The following ITGAE variants were observed in gnomAD, a reference collection of about 807,000 sequenced individuals.
ITGAE encodes integrin subunit alpha E, also known as integrin alpha-E.
A neutral mutation model predicts 136.5 loss-of-function variants in ITGAE; 99 were observed. That is an observed-to-expected ratio of 0.73 (90% CI 0.62 to 0.86). The LOEUF is 0.86. Ranked by LOEUF, ITGAE falls within the 40% of genes least tolerant of loss-of-function variation. The pLI is 0.00. For missense variants in ITGAE, 1,447 were observed against 1,515.3 expected, an observed-to-expected ratio of 0.95 and a Z score of 0.75; for synonymous variants, 613 against 591.8, an observed-to-expected ratio of 1.04 and a Z score of -0.52.
chr17:3,746,886 C>T (rs1030374541), intron 17 of ITGAE, among the ~76,000 whole-genome samples: 1 of 152,208 alleles, frequency 6.6e-6, no homozygotes, highest in South Asian at 2.1e-4. Context: ...CTACCACACC[C>T]GGCCAGGTCT....
intron 26 of ITGAE, chr17:3,726,767 C>G (rs2051223997): frequency 6.5e-6 from 1 of 153,734 alleles, no homozygotes; most frequent in Non-Finnish European, 1.4e-5. Context: ...GCTCTGTCAC[C>G]CAGGCTAGAG....
chr17:3,777,183 A>G (rs375957376), intron 2 of ITGAE, among the ~76,000 whole-genome samples: 32 of 151,678 alleles, frequency 2.1e-4, no homozygotes, highest in Admixed American at 7.9e-4. Context: ...GGATGGTCTC[A>G]ATCTCCTGAC....
At chr17:3,762,802 G>A (rs540649587) in intron 3 of ITGAE, among the ~76,000 whole-genome samples, 38 of 151,760 alleles carry the variant, frequency 2.5e-4, no homozygotes, top group African/African-American at 8.5e-4. Flanking sequence ...GGATTTCACC[G>A]TGTTAGCTAG....
At chr17:3,785,220 G>A (rs1179710064) in intron 1 of ITGAE, among the ~76,000 whole-genome samples, 2 of 152,108 alleles carry the variant, frequency 1.3e-5, no homozygotes, top group African/African-American at 4.8e-5. Flanking sequence ...TGCAACCCCA[G>A]CACTTTGGGA....
rs189455313 is a variant in ITGAE at position 3,777,463 on chromosome 17, G to T, written c.155+77C>A. ...ACGGTGGGGTGGGGTGGGCTGCCAT[G>T]GCCGTCTCTGGGGCCCATCTCAGAT... On this transcript the variant is annotated intron_variant, in intron 2 of 30. Transcript: ENST00000263087. 1,050 of 1,516,902 alleles carry T rather than the reference G, an allele frequency of 6.9e-4. 16 individuals carry two copies. The South Asian group carries it at 0.012, about 17-fold the overall frequency. The allele number at this position is 1,516,902 out of a possible 1,614,324, so 94.0% of individuals were successfully genotyped here.
At chr17:3,797,524 G>C (rs1210754092) in intron 1 of ITGAE, among the ~76,000 whole-genome samples, 5 of 138,136 alleles carry the variant, frequency 3.6e-5, no homozygotes, top group African/African-American at 1.4e-4. Flanking sequence ...GCAGTGGTGT[G>C]ATCTCAGCTC....
chr17:3,723,599 G>A (rs962756015), intron 27 of ITGAE, 89 bp downstream of exon 27: 2 of 1,362,064 alleles, frequency 1.5e-6, no homozygotes, highest in Non-Finnish European at 2.0e-6. Flanking sequence ...GGCCGGCAGG[G>A]GTAACCCAGG....
intron 1 of ITGAE, among the ~76,000 whole-genome samples, chr17:3,789,157 G>C (rs1262821035): frequency 1.3e-5 from 2 of 152,014 alleles, no homozygotes; most frequent in African/African-American, 4.8e-5. Context: ...TGAGGTGGGA[G>C]AATCACTTGA....
intron 1 of ITGAE, among the ~76,000 whole-genome samples, chr17:3,794,663 T>C (rs113789498): frequency 0.065 from 9,951 of 152,158 alleles, 525 homozygotes; most frequent in African/African-American, 0.13. Context: ...AGAACTGAGA[T>C]AAAGGACGCC....
At chr17:3,788,049 T>C (rs1009177322) in intron 1 of ITGAE, among the ~76,000 whole-genome samples, 8 of 152,154 alleles carry the variant, frequency 5.3e-5, no homozygotes, top group African/African-American at 9.7e-5. Flanking sequence ...ATTTTGATAA[T>C]CTCTTTTGTG....
intron 23 of ITGAE, 68 bp downstream of exon 23, chr17:3,731,036 G>A (rs1445139022): frequency 2.3e-5 from 30 of 1,288,384 alleles, no homozygotes; most frequent in South Asian, 3.6e-5. Flanking sequence ...CTCTCACAGC[G>A]TGCATGTGGC....
intron 2 of ITGAE, among the ~76,000 whole-genome samples, chr17:3,768,258 G>T (rs1280597649): frequency 6.6e-6 from 1 of 152,022 alleles, no homozygotes; most frequent in Non-Finnish European, 1.5e-5. Flanking sequence ...CCAAGTAACT[G>T]GGACCACAGA....
At chr17:3,748,322 C>T (rs1206917334) in intron 16 of ITGAE, among the ~76,000 whole-genome samples, 1 of 152,226 alleles carries the variant, frequency 6.6e-6, no homozygotes, top group Non-Finnish European at 1.5e-5. Context: ...TGCGGTGGCT[C>T]ACGCCTGTAA....
rs762502052 is a variant in ITGAE at position 3,751,785 on chromosome 17, A to AT, written c.1757dup (p.Asp586GlufsTer6). ...CATCTGTGAGCTTATCCTGACTGAG[A>AT]TCCCCCATAGCCGCCATGGCAAAGC... On this transcript the variant is annotated frameshift_variant, in exon 15 of 31. Coordinates refer to ENST00000263087, the MANE Select transcript of ITGAE (RefSeq NM_002208.5). LOFTEE classifies it high-confidence loss of function. The AT allele has an allele frequency of 6.2e-7, 1 of 1,614,074 alleles. No homozygotes were observed. Among genetic ancestry groups the AT allele is most frequent in the Non-Finnish European group, 8.5e-7 (1 of 1,179,986 alleles).
chr17:3,751,721 C>G lies in ITGAE; in HGVS notation c.1822G>C (p.Asp608His), dbSNP rs185326377. 2 of 1,614,070 alleles carry G rather than the reference C, an allele frequency of 1.2e-6. No individual in the cohort carries two copies. Among genetic ancestry groups the G allele is most frequent in the East Asian group, 2.2e-5 (1 of 44,876 alleles). Reference protein sequence around the residue: ...GAPLEGFGADDGASFGSVYIY... With the variant: ...GAPLEGFGADHGASFGSVYIY... ...TACACACTGCCGAAGCTGGCACCATCATCTGCCCCAAAACCTTCCAGGGGG... is the reference window on the plus strand; with the variant it reads ...TACACACTGCCGAAGCTGGCACCATGATCTGCCCCAAAACCTTCCAGGGGG... Residue 608 changes from aspartate (D) to histidine (H), a missense_variant, in exon 15 of 31, where the codon GAT (aspartate) becomes CAT (histidine). Physicochemically the swap from Asp to His is moderately conservative, Grantham distance 81. Around this residue, in one of 3 missense-constraint regions of ITGAE, gnomAD observed 1,031 missense variants for 1,011.4 expected, o/e 1.02. Transcript: ENST00000263087.
intron 1 of ITGAE, among the ~76,000 whole-genome samples, chr17:3,784,192 G>A (rs928755582): frequency 2.6e-5 from 4 of 151,874 alleles, no homozygotes; most frequent in Admixed American, 6.6e-5. Flanking sequence ...CCCGGGAGGC[G>A]GAGCTTGCAG....
intron 1 of ITGAE, among the ~76,000 whole-genome samples, chr17:3,792,767 G>A (rs569468486): frequency 6.6e-6 from 1 of 152,212 alleles, no homozygotes; most frequent in Non-Finnish European, 1.5e-5. Context: ...CTTTCTTGAA[G>A]GTGATATCAA....
At chr17:3,734,773 G>A (rs1435113651) in intron 21 of ITGAE, 44 bp downstream of exon 21, 5 of 1,611,016 alleles carry the variant, frequency 3.1e-6, no homozygotes, top group East Asian at 2.2e-5. Context: ...TGCAGCGAGG[G>A]AGGGGCGTGA....
chr17:3,715,532 G>A (rs2050926163), intron 30 of ITGAE, among the ~76,000 whole-genome samples: 1 of 152,098 alleles, frequency 6.6e-6, no homozygotes, highest in African/African-American at 2.4e-5. Flanking sequence ...GCAGAGGCAC[G>A]AACCTATTTA....
Sources: gnomAD v4.1 joint callset for allele counts (sites outside exome capture counted in the v4.1 genomes callset) on GRCh38, gnomAD v4.1.1 for gene constraint, gnomAD v4.1.1 regional missense constraint, MANE v1.5 for transcripts, NCBI Gene and HGNC (gene_info 2026-07-23, HGNC 2026-07-21) for gene names.